The following SLC41A2 variants were observed in gnomAD, a reference collection of about 807,000 sequenced individuals.
The protein encoded by SLC41A2 is solute carrier family 41 member 2.
SLC41A2 carries 32 observed loss-of-function variants against 58.3 expected under a neutral mutation model. That is an observed-to-expected ratio of 0.55 (90% confidence interval 0.41 to 0.74). The LOEUF (loss-of-function observed/expected upper bound fraction) is 0.74. SLC41A2 is among the 30% of genes least tolerant of loss of function. SLC41A2 has a pLI of 0.00. For synonymous variants in SLC41A2, 190 were observed against 235.0 expected (o/e 0.81, Z 1.75); for missense variants, 514 against 680.6 (o/e 0.76, Z 2.72).
At chr12:104,907,214 T>C (rs2045893380) in intron 3 of SLC41A2, among the ~76,000 whole-genome samples, 1 of 152,012 alleles carries the variant, frequency 6.6e-6, no homozygotes, top group African/African-American at 2.4e-5. Flanking sequence ...ATCTTTTTTT[T>C]TTTTTTTTCA....
intron 1 of SLC41A2, among the ~76,000 whole-genome samples, chr12:104,944,953 G>A (rs1481148443): frequency 6.8e-6 from 1 of 147,132 alleles, no homozygotes; most frequent in Non-Finnish European, 1.5e-5. Flanking sequence ...GGCATATCAC[G>A]TGAGGTCAGG....
chr12:104,955,015 G>GT (rs2048101131), intron 1 of SLC41A2, among the ~76,000 whole-genome samples: 1 of 103,352 alleles, frequency 9.7e-6, no homozygotes, highest in African/African-American at 4.2e-5. Flanking sequence ...CTTGGCCCTT[G>GT]CTTTTTTTTT....
At position 104,844,546 on chromosome 12, in the gene SLC41A2, G is replaced by T; in HGVS notation, c.1462C>A (p.His488Asn). ...GAAGTATGACCACTTTTCATCAAAT[G>T]AATAGTGTAGAGGAAAATTAAATGT... ...PGHLIFLYTI[H>N]LMKSGHTSLT... is the part of the protein sequence containing the mutation. Residue 488 changes from histidine to asparagine, a missense_variant, in exon 10 of 11, where the codon CAT becomes AAT. By Grantham distance (68) the His-to-Asn change is moderately conservative (BLOSUM62 1). Transcript: ENST00000258538. 1 of 1,574,044 alleles carries T rather than the reference G, an allele frequency of 6.4e-7. No individual in the cohort carries two copies. Among genetic ancestry groups the T allele is most frequent in the South Asian group, 1.2e-5 (1 of 82,526 alleles).
intron 1 of SLC41A2, among the ~76,000 whole-genome samples, chr12:104,935,528 T>C (rs2135921870): frequency 6.6e-6 from 1 of 152,282 alleles, no homozygotes. Flanking sequence ...GTTCATGTAC[T>C]GTCAATAAAA....
chr12:104,826,634 C>G (rs2041856745), intron 10 of SLC41A2, among the ~76,000 whole-genome samples: 1 of 152,212 alleles, frequency 6.6e-6, no homozygotes, highest in Non-Finnish European at 1.5e-5. Flanking sequence ...CCCAGTCTCA[C>G]TCTTGCCTTT....
intron 8 of SLC41A2, among the ~76,000 whole-genome samples, chr12:104,848,896 C>T (rs948334217): frequency 4.8e-5 from 7 of 147,094 alleles, no homozygotes; most frequent in South Asian, 4.3e-4. Flanking sequence ...AACTTGATAA[C>T]CACACACACA....
rs935953815 is a variant in SLC41A2, at chr12:104,878,299, T to A, written c.1027+7994A>T. Reference sequence around the variant, plus strand: ...AATCTGCAAATAATATACCTGTATTTTATATATATATATATATATATATAT... The same window carrying A: ...AATCTGCAAATAATATACCTGTATTATATATATATATATATATATATATAT... On this transcript the variant is annotated intron_variant, in intron 6 of 10. Coordinates refer to ENST00000258538, the MANE Select transcript of SLC41A2 (RefSeq NM_001352171.3). 1.3e-4 allele frequency among the ~76,000 whole-genome samples: 18 copies of A among 139,928 alleles called. 2 individuals are homozygous for A. The South Asian group carries it at 3.1e-3, about 24-fold the overall frequency. The allele number at this position is 139,928 out of a possible 152,430, so 91.8% of individuals were successfully genotyped here. A position where few individuals can be genotyped will look rare whatever the true frequency, so the allele number is the denominator to read the frequency against.
intron 1 of SLC41A2, among the ~76,000 whole-genome samples, chr12:104,946,112 C>T (rs545124228): frequency 3.3e-5 from 5 of 152,168 alleles, no homozygotes; most frequent in South Asian, 4.1e-4. Flanking sequence ...AAACATGCTT[C>T]GACTGCATAT....
At chr12:104,922,812 A>G (rs2046657577) in intron 2 of SLC41A2, among the ~76,000 whole-genome samples, 2 of 152,370 alleles carry the variant, frequency 1.3e-5, no homozygotes, top group African/African-American at 2.4e-5. Context: ...AAAAAAGTAG[A>G]TATCAGATCA....
chr12:104,918,641 A>AAC (rs921981635), intron 2 of SLC41A2, among the ~76,000 whole-genome samples: 14 of 151,326 alleles, frequency 9.3e-5, no homozygotes, highest in Middle Eastern at 3.4e-3. Context: ...AAAAAAAAAA[A>AAC]AAAAAACTAA....
intron 1 of SLC41A2, among the ~76,000 whole-genome samples, chr12:104,945,474 T>C (rs1328633053): frequency 1.3e-4 from 19 of 151,568 alleles, no homozygotes; most frequent in Admixed American, 1.2e-3. Context: ...CACTCTAGCA[T>C]GGGTGACAGA....
chr12:104,827,792 G>A (rs1197874007), intron 10 of SLC41A2, among the ~76,000 whole-genome samples: 2 of 152,114 alleles, frequency 1.3e-5, no homozygotes, highest in Non-Finnish European at 2.9e-5. Context: ...CCTGTCGTCA[G>A]GAAACAGCTA....
chr12:104,829,114 T>G (rs528329021), intron 10 of SLC41A2, among the ~76,000 whole-genome samples: 1 of 152,280 alleles, frequency 6.6e-6, no homozygotes, highest in Admixed American at 6.5e-5. Context: ...AGTTAAACAT[T>G]TACTTCCATA....
rs556597581 is a variant in SLC41A2 at position 104,915,918 on chromosome 12, G to A, written c.556-6156C>T. On this transcript the variant is annotated intron_variant, in intron 2 of 10. Coordinates refer to ENST00000258538, the MANE Select transcript of SLC41A2 (RefSeq NM_001352171.3). ...ATTGGCTGTGGGTTTGTCATAGATA[G>A]CTCTTATTATTTTGAGATATGTCCC... Among the ~76,000 whole-genome samples, 701 of 152,240 alleles carry A rather than the reference G, an allele frequency of 4.6e-3. 7 individuals carry two copies. Among genetic ancestry groups the A allele is most frequent in the Non-Finnish European group, 7.0e-3 (477 of 68,028 alleles).
At chr12:104,942,001 G>A (rs2047528079) in intron 1 of SLC41A2, among the ~76,000 whole-genome samples, 2 of 152,144 alleles carry the variant, frequency 1.3e-5, no homozygotes, top group African/African-American at 4.8e-5. Context: ...GTTGCTGTTT[G>A]AGACAAGTCA....
At chr12:104,857,857 G>A (rs1028878896) in intron 8 of SLC41A2, among the ~76,000 whole-genome samples, 1 of 106,764 alleles carries the variant, frequency 9.4e-6, no homozygotes, top group South Asian at 4.1e-4. Context: ...GTTGTGGGGT[G>A]GGGGGAGGGG....
chr12:104,934,668 G>T (rs1156512106), intron 1 of SLC41A2, among the ~76,000 whole-genome samples: 2 of 152,040 alleles, frequency 1.3e-5, no homozygotes, highest in African/African-American at 4.8e-5. Flanking sequence ...AATACAATGT[G>T]GTTTATAAAC....
chr12:104,821,340 C>A (rs1288694146), intron 10 of SLC41A2, among the ~76,000 whole-genome samples: 2 of 151,960 alleles, frequency 1.3e-5, no homozygotes, highest in Non-Finnish European at 2.9e-5. Flanking sequence ...TGGTTAAGAT[C>A]TTCTTTACAA....
At chr12:104,905,859 C>G (rs959600806) in intron 3 of SLC41A2, among the ~76,000 whole-genome samples, 2 of 152,234 alleles carry the variant, frequency 1.3e-5, no homozygotes, top group African/African-American at 4.8e-5. Context: ...GGCCCGCAAG[C>G]GCCGCACACA....
Sources: gnomAD v4.1 joint callset for allele counts (sites outside exome capture counted in the v4.1 genomes callset) on GRCh38, gnomAD v4.1.1 for gene constraint, MANE v1.5 for transcripts, NCBI Gene and HGNC (gene_info 2026-07-23, HGNC 2026-07-21) for gene names.